The following DCHS2 variants were observed in gnomAD, a reference collection of about 807,000 sequenced individuals.
The protein encoded by DCHS2 is dachsous cadherin-related 2, also known as protocadherin-23.
DCHS2 carries 142 observed loss-of-function variants against 182.4 expected under a neutral mutation model. The observed-to-expected ratio is 0.78, with a 90% CI of 0.68 to 0.89. The LOEUF is 0.89. Ranked by LOEUF, DCHS2 falls within the 40% of genes least tolerant of loss-of-function variation. The probability of loss-of-function intolerance (pLI) is 0.00; values close to 1 mark genes in which losing one functional copy is unlikely to be tolerated. For missense variants in DCHS2, 4,319 were observed against 4,198.6 expected (o/e 1.03, Z -0.79); for synonymous variants, 1,740 against 1,663.3 (o/e 1.05, Z -1.12).
chr4:154,340,240 T>C (rs1011745247), intron 3 of DCHS2, among the ~76,000 whole-genome samples: 6 of 152,182 alleles, frequency 3.9e-5, no homozygotes, highest in African/African-American at 1.4e-4. Flanking sequence ...ATATCATGGA[T>C]ATTTCAGAAC....
chr4:154,329,796 A>G (rs980175531), intron 5 of DCHS2, 86 bp from the exon 6 acceptor site: 17 of 1,283,486 alleles, frequency 1.3e-5, no homozygotes, highest in Admixed American at 9.0e-5. Flanking sequence ...AAAACCAAGT[A>G]CAAAGCTTTG....
At chr4:154,367,862 G>C (rs900621611) in intron 2 of DCHS2, among the ~76,000 whole-genome samples, 1 of 152,126 alleles carries the variant, frequency 6.6e-6, no homozygotes, top group Non-Finnish European at 1.5e-5. Flanking sequence ...GAGAGAGGGA[G>C]GGCAAGAATG....
At chr4:154,237,906 C>T (rs1334031732) in intron 19 of DCHS2, among the ~76,000 whole-genome samples, 2 of 152,020 alleles carry the variant, frequency 1.3e-5, no homozygotes, top group Non-Finnish European at 2.9e-5. Flanking sequence ...TAGCTTAGTG[C>T]GTTTAATGTT....
At chr4:154,441,577 A>G (rs1403872558) in intron 1 of DCHS2, among the ~76,000 whole-genome samples, 1 of 151,244 alleles carries the variant, frequency 6.6e-6, no homozygotes, top group Non-Finnish European at 1.5e-5. Context: ...GTTTTTTCCT[A>G]TTTTCATTGT....
At chr4:154,443,899 T>A (rs183646912) in intron 1 of DCHS2, among the ~76,000 whole-genome samples, 1 of 152,238 alleles carries the variant, frequency 6.6e-6, no homozygotes, top group Non-Finnish European at 1.5e-5. Flanking sequence ...AGCTGCTCAC[T>A]GCTTGTGGCC....
chr4:154,489,913 T>C lies in DCHS2; in HGVS notation c.1443A>G (p.Leu481=), dbSNP rs7656522. The change falls in exon 1 of 20, where the codon CTA becomes CTG. Residue 481 remains leucine (L), a synonymous_variant. Coordinates refer to ENST00000357232, the MANE Select transcript of DCHS2 (RefSeq NM_001358235.2). ...LEGGEGDFAL[L]PGGPPGVFFL... is the part of the protein sequence containing the mutation. ...AAAATACCCCTGGGGGGCCGCCGGG[T>C]AGCAACGCGAAGTCTCCCTCTCCGC... 1,131,467 of 1,537,138 alleles carry C rather than the reference T, an allele frequency of 0.74. 419,367 individuals carry two copies. Among genetic ancestry groups the C allele is most frequent in the East Asian group, 0.99 (40,117 of 40,570 alleles).
chr4:154,422,440 T>A (rs954626057), intron 1 of DCHS2, among the ~76,000 whole-genome samples: 1 of 152,192 alleles, frequency 6.6e-6, no homozygotes, highest in South Asian at 2.1e-4. Context: ...ATCAGCAAGT[T>A]CTATTGCCTC....
intron 2 of DCHS2, among the ~76,000 whole-genome samples, chr4:154,367,195 T>C (rs1730423265): frequency 6.6e-6 from 1 of 152,162 alleles, no homozygotes; most frequent in Non-Finnish European, 1.5e-5. Flanking sequence ...AAGGACATGG[T>C]TCTTCCTCAC....
intron 1 of DCHS2, among the ~76,000 whole-genome samples, chr4:154,382,724 A>G (rs1369749779): frequency 6.6e-6 from 1 of 152,188 alleles, no homozygotes; most frequent in African/African-American, 2.4e-5. Context: ...ACATACAAGC[A>G]GCCAAGAAAC....
At chr4:154,417,350 A>T (rs2110906527) in intron 1 of DCHS2, among the ~76,000 whole-genome samples, 1 of 152,216 alleles carries the variant, frequency 6.6e-6, no homozygotes, top group East Asian at 1.9e-4. Flanking sequence ...CAGGATTAGT[A>T]GCCTTACCAG....
chr4:154,350,912 A>G (rs958220840), intron 3 of DCHS2, among the ~76,000 whole-genome samples: 2 of 152,330 alleles, frequency 1.3e-5, no homozygotes, highest in African/African-American at 4.8e-5. Context: ...AAGGTTTCAA[A>G]AATTATTTGA....
chr4:154,335,427 A>G (rs1368633807), intron 3 of DCHS2, among the ~76,000 whole-genome samples: 1 of 152,210 alleles, frequency 6.6e-6, no homozygotes, highest in Admixed American at 6.5e-5. Flanking sequence ...AACCTGGGGC[A>G]CTGGTTTTTC....
chr4:154,403,445 C>T (rs1290119556), intron 1 of DCHS2, among the ~76,000 whole-genome samples: 3 of 151,960 alleles, frequency 2.0e-5, no homozygotes, highest in Non-Finnish European at 2.9e-5. Context: ...AGTAATGTGG[C>T]TAATTTACAT....
chr4:154,483,608 G>C (rs1208358497), intron 1 of DCHS2, among the ~76,000 whole-genome samples: 1 of 152,180 alleles, frequency 6.6e-6, no homozygotes, highest in African/African-American at 2.4e-5. Context: ...AGGAAGAAGA[G>C]GAGAGAGAAA....
chr4:154,400,646 T>C (rs762166761), intron 1 of DCHS2, among the ~76,000 whole-genome samples: 4 of 152,212 alleles, frequency 2.6e-5, no homozygotes, highest in Admixed American at 6.5e-5. Flanking sequence ...GAAGGGATAA[T>C]GAGAATCTAT....
chr4:154,367,919 TGCTCTGAGCTCTGA>T (rs71600320), intron 2 of DCHS2, among the ~76,000 whole-genome samples: 6 of 151,454 alleles, frequency 4.0e-5, no homozygotes, highest in Non-Finnish European at 8.9e-5. Flanking sequence ...ACGGCTGTCC[TGCTCTGAGCTCTGA>T]GCTCTGAGGT....
chr4:154,361,343 A>C (rs1026353781), intron 3 of DCHS2, among the ~76,000 whole-genome samples: 3 of 152,186 alleles, frequency 2.0e-5, no homozygotes, highest in African/African-American at 4.8e-5. Flanking sequence ...GTTGAAAAAA[A>C]AGTAGTTTCT....
intron 14 of DCHS2, among the ~76,000 whole-genome samples, chr4:154,259,986 C>T (rs1356445273): frequency 6.6e-6 from 1 of 152,012 alleles, no homozygotes; most frequent in Admixed American, 6.6e-5. Context: ...CCATGCCCAG[C>T]CAATTTTTTG....
intron 13 of DCHS2, among the ~76,000 whole-genome samples, chr4:154,277,983 G>A (rs1733934237): frequency 1.3e-5 from 2 of 150,158 alleles, no homozygotes; most frequent in African/African-American, 4.9e-5. Context: ...AGAGGCTACA[G>A]TGAGCCGAGA....
Sources: gnomAD v4.1 joint callset for allele counts (sites outside exome capture counted in the v4.1 genomes callset) on GRCh38, gnomAD v4.1.1 for gene constraint, MANE v1.5 for transcripts, NCBI Gene and HGNC (gene_info 2026-07-23, HGNC 2026-07-21) for gene names.